The following FAF1 variants were observed in gnomAD, a reference collection of about 807,000 sequenced individuals.
The protein encoded by FAF1 is Fas associated factor 1.
A neutral mutation model predicts 92.5 loss-of-function variants in FAF1; 25 were observed. The ratio of observed to expected loss-of-function variants is 0.27; its 90% confidence interval spans 0.20 to 0.38. The LOEUF (loss-of-function observed/expected upper bound fraction) is 0.38, where lower values mean the gene tolerates loss of function less well. FAF1 is among the 10% of genes least tolerant of loss of function. The probability of loss-of-function intolerance (pLI) is 1.00; values close to 1 mark genes in which losing one functional copy is unlikely to be tolerated. For missense variants in FAF1, 636 were observed against 793.3 expected (o/e 0.80, Z 2.38); for synonymous variants, 234 against 273.2 (o/e 0.86, Z 1.42).
intron 7 of FAF1, among the ~76,000 whole-genome samples, chr1:50,688,289 CA>C (rs1296612583): frequency 1.3e-5 from 2 of 151,910 alleles, no homozygotes; most frequent in Non-Finnish European, 2.9e-5. Context: ...ACCTGTTCCT[CA>C]AAAACTTAAA....
At chr1:50,955,091 T>C (rs1213200462) in intron 1 of FAF1, among the ~76,000 whole-genome samples, 1 of 152,236 alleles carries the variant, frequency 6.6e-6, no homozygotes, top group Admixed American at 6.5e-5. Flanking sequence ...ATCGCAATTA[T>C]TTGGATAACT....
rs370926574 is a variant in FAF1, at chr1:50,652,861, C to T, written c.744+2581G>A. Among the ~76,000 whole-genome samples, 6 of 152,232 alleles carry T rather than the reference C, an allele frequency of 3.9e-5. No homozygotes were observed. The East Asian group carries it at 1.2e-3, about 29-fold the overall frequency. ...GCAGTTATCTTAATTATAATGTCGA[C>T]TCATTTACTGAGTGTCTACTATGAG... is the stretch of plus-strand genomic sequence containing the variant. On this transcript the variant is annotated intron_variant, in intron 8 of 18. Coordinates refer to ENST00000396153, the MANE Select transcript of FAF1 (RefSeq NM_007051.3).
intron 6 of FAF1, among the ~76,000 whole-genome samples, chr1:50,722,824 T>C (rs1324294273): frequency 6.6e-6 from 1 of 152,282 alleles, no homozygotes; most frequent in East Asian, 1.9e-4. Context: ...GCAGAAATCA[T>C]CCTGATCATT....
At chr1:50,855,025 G>C (rs1393169041) in intron 2 of FAF1, among the ~76,000 whole-genome samples, 1 of 151,628 alleles carries the variant, frequency 6.6e-6, no homozygotes. Context: ...GGAAATCCTC[G>C]ATTGAACATT....
At chr1:50,689,824 T>C (rs1656835922) in intron 7 of FAF1, among the ~76,000 whole-genome samples, 1 of 152,134 alleles carries the variant, frequency 6.6e-6, no homozygotes, top group Admixed American at 6.5e-5. Context: ...TATTTTCTGT[T>C]ACTTTATTTT....
At chr1:50,947,332 C>A (rs375831697) in intron 1 of FAF1, among the ~76,000 whole-genome samples, 2 of 152,192 alleles carry the variant, frequency 1.3e-5, no homozygotes, top group South Asian at 4.1e-4. Flanking sequence ...TCAAACCCCA[C>A]CTGAAAGCCA....
At chr1:50,510,302 A>G (rs754748552) in intron 15 of FAF1, among the ~76,000 whole-genome samples, 1 of 152,170 alleles carries the variant, frequency 6.6e-6, no homozygotes, top group Admixed American at 6.5e-5. Context: ...AATAATCCCA[A>G]TAATATTAAT....
At chr1:50,892,327 C>T (rs900529285) in intron 1 of FAF1, among the ~76,000 whole-genome samples, 1 of 152,230 alleles carries the variant, frequency 6.6e-6, no homozygotes, top group South Asian at 2.1e-4. Context: ...ATGCCTCACC[C>T]TGCTTTGGTT....
At chr1:50,733,497 C>T (rs755927874) in intron 6 of FAF1, among the ~76,000 whole-genome samples, 8 of 152,166 alleles carry the variant, frequency 5.3e-5, no homozygotes, top group Non-Finnish European at 1.0e-4. Flanking sequence ...TGTGACTGTA[C>T]TTGGAGACAG....
chr1:50,612,078 T>G (rs1258935351), intron 8 of FAF1, among the ~76,000 whole-genome samples: 1 of 152,240 alleles, frequency 6.6e-6, no homozygotes, highest in Non-Finnish European at 1.5e-5. Context: ...TCTTAATAGT[T>G]TGAAAAATTT....
At chr1:50,910,152 A>G (rs1644873131) in intron 1 of FAF1, among the ~76,000 whole-genome samples, 1 of 152,222 alleles carries the variant, frequency 6.6e-6, no homozygotes, top group African/African-American at 2.4e-5. Context: ...GGTCCACTCC[A>G]GACCCTGTTT....
At position 50,516,485 on chromosome 1, in the gene FAF1, AT is replaced by A. The variant is rs1647227128; in HGVS notation, c.1494+18883del. The stretch of plus-strand genomic sequence containing the variant: ...TTGTCACATGGCAGACACTGAATGA[AT>A]TTTTCTTGGACCGAAATACCAAGCA... On this transcript the variant is annotated intron_variant, in intron 15 of 18. Coordinates refer to ENST00000396153, the MANE Select transcript of FAF1 (RefSeq NM_007051.3). 7.9e-5 allele frequency among the ~76,000 whole-genome samples: 12 copies of A among 152,280 alleles called. No homozygotes were observed. The South Asian group carries it at 2.5e-3, about 32-fold the overall frequency.
chr1:50,601,298 T>C (rs1306713847), intron 8 of FAF1, among the ~76,000 whole-genome samples: 2 of 152,220 alleles, frequency 1.3e-5, no homozygotes, highest in African/African-American at 4.8e-5. Context: ...TCTAACAAGT[T>C]GTTAGTAAAA....
At position 50,766,053 on chromosome 1, in the gene FAF1, T is replaced by C. The variant is rs532305766; in HGVS notation, c.368-21278A>G. Among the ~76,000 whole-genome samples, 4 of 152,106 alleles carry C rather than the reference T, an allele frequency of 2.6e-5. No homozygotes were observed. The East Asian group carries it at 5.8e-4, about 22-fold the overall frequency. ...GGTGCAGTGAGCCGAGATCGCGCCATTGCACTCCAGCCTGGGCGACAAGAA... is the reference window on the plus strand; with the variant it reads ...GGTGCAGTGAGCCGAGATCGCGCCACTGCACTCCAGCCTGGGCGACAAGAA... On this transcript the variant is annotated intron_variant, in intron 4 of 18. Transcript: ENST00000396153.
intron 8 of FAF1, among the ~76,000 whole-genome samples, chr1:50,604,431 T>C (rs1403895848): frequency 6.6e-6 from 1 of 152,218 alleles, no homozygotes; most frequent in African/African-American, 2.4e-5. Flanking sequence ...AGGTAAAGTG[T>C]TTGTCCCAAG....
chr1:50,654,971 CTTTTTTT>C lies in FAF1; in HGVS notation c.744+464_744+470del, dbSNP rs569202434. Among the ~76,000 whole-genome samples the C allele has an allele frequency of 5.4e-3, 750 of 137,872 alleles. 1 individual carries two copies. Among genetic ancestry groups the C allele is most frequent in the Middle Eastern group, 0.019 (5 of 258 alleles). 90.4% of individuals were successfully genotyped at this position (137,872 alleles called of 152,430 possible). A position where few individuals can be genotyped will look rare whatever the true frequency, so the allele number is the denominator to read the frequency against. ...TCACATTGCTTGGTTTTAGATATTT[CTTTTTTT>C]TTTTTTTTTGAGATGGAGTTTCGCT... On this transcript the variant is annotated intron_variant, in intron 8 of 18. Transcript: ENST00000396153.
intron 13 of FAF1, among the ~76,000 whole-genome samples, chr1:50,547,481 T>C (rs1649085891): frequency 6.6e-6 from 1 of 152,016 alleles, no homozygotes; most frequent in African/African-American, 2.4e-5. Context: ...CGGCGTGATC[T>C]AGGCTCACCT....
At chr1:50,480,317 C>T (rs1646685838) in intron 17 of FAF1, among the ~76,000 whole-genome samples, 1 of 152,164 alleles carries the variant, frequency 6.6e-6, no homozygotes, top group African/African-American at 2.4e-5. Context: ...ACAACAGTCT[C>T]TTACAATAAG....
At chr1:50,648,887 T>C (rs1315626289) in intron 8 of FAF1, among the ~76,000 whole-genome samples, 1 of 152,108 alleles carries the variant, frequency 6.6e-6, no homozygotes, top group East Asian at 1.9e-4. Flanking sequence ...GATCGTGCCA[T>C]TGCACTCCAG....
Sources: gnomAD v4.1 joint callset for allele counts (sites outside exome capture counted in the v4.1 genomes callset) on GRCh38, gnomAD v4.1.1 for gene constraint, MANE v1.5 for transcripts, NCBI Gene and HGNC (gene_info 2026-07-23, HGNC 2026-07-21) for gene names.